The following PHACTR3 variants were observed in gnomAD, a reference collection of about 807,000 sequenced individuals.
The protein encoded by PHACTR3 is phosphatase and actin regulator 3.
A neutral mutation model predicts 66.8 loss-of-function variants in PHACTR3; 16 were observed. The observed-to-expected ratio is 0.24, with a 90% CI of 0.16 to 0.36. The LOEUF is 0.36. PHACTR3 is among the 10% of genes least tolerant of loss of function. The pLI is 1.00. For missense variants in PHACTR3, 647 were observed against 719.9 expected (o/e 0.90, Z 1.16); for synonymous variants, 323 against 292.1 (o/e 1.11, Z -1.08).
At chr20:59,821,508 T>C (rs1377661286) in intron 8 of PHACTR3, among the ~76,000 whole-genome samples, 2 of 152,100 alleles carry the variant, frequency 1.3e-5, no homozygotes, top group African/African-American at 2.4e-5. Context: ...TACCTACTGC[T>C]CCTTGGTTGG....
At chr20:59,688,548 T>G (rs1036487598) in intron 1 of PHACTR3, among the ~76,000 whole-genome samples, 37 of 152,202 alleles carry the variant, frequency 2.4e-4, no homozygotes, top group Non-Finnish European at 5.9e-5. Context: ...TGCTAGGAGT[T>G]CCAGCATCCA....
rs2145551124 is a variant in PHACTR3, at chr20:59,847,679, T to G, written c.*549T>G. On this transcript the variant is annotated 3_prime_UTR_variant, in exon 13 of 13. Coordinates refer to ENST00000371015, the MANE Select transcript of PHACTR3 (RefSeq NM_080672.5). ...TTTTGATTCCTGTTAATTTTGTTCT[T>G]TAATTAAATGACTACTTATTGCAGG... The G allele has an allele frequency of 6.5e-6, 1 of 152,780 alleles. No homozygotes were observed. Among genetic ancestry groups the G allele is most frequent in the East Asian group, 1.9e-4 (1 of 5,188 alleles). The allele number at this position is 152,780 out of a possible 1,614,324, so 9.5% of individuals were successfully genotyped here.
chr20:59,723,760 G>C (rs1184759254), intron 1 of PHACTR3, among the ~76,000 whole-genome samples: 3 of 151,918 alleles, frequency 2.0e-5, no homozygotes, highest in African/African-American at 7.3e-5. Context: ...GGTAAGGAGT[G>C]AGAATGGTCA....
intron 1 of PHACTR3, among the ~76,000 whole-genome samples, chr20:59,632,117 G>A (rs1304223546): frequency 1.3e-5 from 2 of 152,150 alleles, no homozygotes; most frequent in East Asian, 3.9e-4. Flanking sequence ...GCTACCACAT[G>A]CCCTTCATAG....
chr20:59,587,762 G>A (rs2033075639), intron 1 of PHACTR3, among the ~76,000 whole-genome samples: 1 of 152,136 alleles, frequency 6.6e-6, no homozygotes, highest in South Asian at 2.1e-4. Flanking sequence ...CCGGGGCTGG[G>A]GCTGGGGCTG....
chr20:59,776,501 G>T (rs548576579), intron 7 of PHACTR3, among the ~76,000 whole-genome samples: 1 of 91,766 alleles, frequency 1.1e-5, no homozygotes, highest in African/African-American at 2.9e-5. Flanking sequence ...GTCCTCACCA[G>T]CCACACGGGG....
At chr20:59,831,843 T>C (rs1034379102) in intron 8 of PHACTR3, among the ~76,000 whole-genome samples, 2 of 152,222 alleles carry the variant, frequency 1.3e-5, no homozygotes, top group Admixed American at 6.5e-5. Flanking sequence ...CTGCTCCCCT[T>C]GCCTGCGCCG....
At chr20:59,778,001 A>G (rs1169499423) in intron 7 of PHACTR3, among the ~76,000 whole-genome samples, 1 of 152,054 alleles carries the variant, frequency 6.6e-6, no homozygotes, top group Non-Finnish European at 1.5e-5. Context: ...CTCCATTTCA[A>G]TCAATACATC....
At position 59,747,949 on chromosome 20, in the gene PHACTR3, G is replaced by A. The variant is rs868805803; in HGVS notation, c.358+114G>A. The A allele has an allele frequency of 4.7e-5, 51 of 1,089,440 alleles. No homozygotes were observed. In the Middle Eastern group the frequency reaches 1.2e-3, roughly 26 times the overall value. The allele number at this position is 1,089,440 out of a possible 1,614,324, so 67.5% of individuals were successfully genotyped here. On this transcript the variant is annotated intron_variant, in intron 3 of 12. Coordinates refer to ENST00000371015, the MANE Select transcript of PHACTR3 (RefSeq NM_080672.5). Reference sequence around the variant, plus strand: ...AACAGTGTAGAATCCAAGGAGGGCCGTGTTCAGATGAAGCCTGCAAGGTTG... The same window carrying A: ...AACAGTGTAGAATCCAAGGAGGGCCATGTTCAGATGAAGCCTGCAAGGTTG...
At chr20:59,633,333 G>A (rs1418675713) in intron 1 of PHACTR3, among the ~76,000 whole-genome samples, 3 of 152,208 alleles carry the variant, frequency 2.0e-5, no homozygotes, top group Non-Finnish European at 4.4e-5. Flanking sequence ...AAAAAGGAAT[G>A]AGATCATGTC....
rs374878865 is a variant in PHACTR3, at chr20:59,677,314, C to T, written c.119-65793C>T. Among the ~76,000 whole-genome samples, 18 of 152,294 alleles carry T rather than the reference C, an allele frequency of 1.2e-4. No homozygotes were observed. The East Asian group carries it at 1.7e-3, about 15-fold the overall frequency. On this transcript the variant is annotated intron_variant, in intron 1 of 12. Coordinates refer to ENST00000371015, the MANE Select transcript of PHACTR3 (RefSeq NM_080672.5). ...TGCTCCACTATCAGGAGTCATTGTCCTTCCGGGATCTCCACCACTGAACCC... is the reference window on the plus strand; with the variant it reads ...TGCTCCACTATCAGGAGTCATTGTCTTTCCGGGATCTCCACCACTGAACCC...
chr20:59,643,797 A>G (rs1008264911), intron 1 of PHACTR3, among the ~76,000 whole-genome samples: 2 of 152,112 alleles, frequency 1.3e-5, no homozygotes, highest in African/African-American at 4.8e-5. Context: ...GTCTAAAAGT[A>G]TTGGATTCTA....
At chr20:59,765,506 A>G (rs2040151141) in intron 4 of PHACTR3, among the ~76,000 whole-genome samples, 1 of 152,180 alleles carries the variant, frequency 6.6e-6, no homozygotes. Flanking sequence ...TTTGTTCTCC[A>G]GGCATTAGGA....
At chr20:59,590,726 C>G (rs1240077826) in intron 1 of PHACTR3, among the ~76,000 whole-genome samples, 1 of 152,156 alleles carries the variant, frequency 6.6e-6, no homozygotes, top group East Asian at 1.9e-4. Context: ...ATTTATTGCT[C>G]ACTGTTCTGC....
At chr20:59,587,045 C>T (rs2033051459) in intron 1 of PHACTR3, among the ~76,000 whole-genome samples, 1 of 152,210 alleles carries the variant, frequency 6.6e-6, no homozygotes, top group East Asian at 1.9e-4. Context: ...TTAAAAGATG[C>T]CCCAACTCTG....
chr20:59,678,786 A>G (rs2036539771), intron 1 of PHACTR3, among the ~76,000 whole-genome samples: 2 of 152,198 alleles, frequency 1.3e-5, no homozygotes, highest in Non-Finnish European at 1.5e-5. Context: ...TTCTACTGCT[A>G]ATTTCCTGGC....
At chr20:59,618,702 A>G (rs2034122961) in intron 1 of PHACTR3, among the ~76,000 whole-genome samples, 1 of 152,112 alleles carries the variant, frequency 6.6e-6, no homozygotes, top group South Asian at 2.1e-4. Context: ...AGGAGCCCTG[A>G]AGGCTGTGCA....
At chr20:59,824,832 C>G (rs2042139203) in intron 8 of PHACTR3, among the ~76,000 whole-genome samples, 1 of 152,168 alleles carries the variant, frequency 6.6e-6, no homozygotes, top group Non-Finnish European at 1.5e-5. Flanking sequence ...TGTGGATTTT[C>G]CAACTTTCTG....
chr20:59,797,372 T>C (rs1254927472), intron 7 of PHACTR3, among the ~76,000 whole-genome samples: 1 of 152,234 alleles, frequency 6.6e-6, no homozygotes, highest in Non-Finnish European at 1.5e-5. Flanking sequence ...TATTGTGGTT[T>C]TTTTTTTGGC....
Sources: gnomAD v4.1 joint callset for allele counts (sites outside exome capture counted in the v4.1 genomes callset) on GRCh38, gnomAD v4.1.1 for gene constraint, MANE v1.5 for transcripts, NCBI Gene and HGNC (gene_info 2026-07-23, HGNC 2026-07-21) for gene names.